CDC42SE2: variants seen among roughly 807,000 people sequenced by gnomAD.
The protein encoded by CDC42SE2 is CDC42 small effector protein 2.
CDC42SE2 carries 3 observed loss-of-function variants against 11.5 expected under a neutral mutation model. That is an observed-to-expected ratio of 0.26 (90% confidence interval 0.12 to 0.67). The LOEUF is 0.67. CDC42SE2 is among the 30% of genes least tolerant of loss of function. The pLI is 0.80. For missense variants in CDC42SE2, 82 were observed against 106.8 expected, an observed-to-expected ratio of 0.77 and a Z score of 1.02; for synonymous variants, 33 against 34.8, an observed-to-expected ratio of 0.95 and a Z score of 0.18.
intron 1 of CDC42SE2, among the ~76,000 whole-genome samples, chr5:131,272,766 C>T (rs373639784): frequency 6.2e-4 from 95 of 152,280 alleles, no homozygotes; most frequent in African/African-American, 2.2e-3. Flanking sequence ...TTGTCATCCG[C>T]GCTCCCTGTC....
At chr5:131,349,243 G>T (rs187338868) in intron 2 of CDC42SE2, among the ~76,000 whole-genome samples, 27 of 149,560 alleles carry the variant, frequency 1.8e-4, no homozygotes, top group Middle Eastern at 3.4e-3. Flanking sequence ...CTATCGCAAG[G>T]ACAGAAAACC....
chr5:131,314,535 C>T (rs185413351), intron 1 of CDC42SE2, among the ~76,000 whole-genome samples: 32 of 152,246 alleles, frequency 2.1e-4, no homozygotes, highest in Middle Eastern at 3.4e-3. Flanking sequence ...GCCACCGTGC[C>T]TGGCTTCTGA....
At chr5:131,326,481 T>C (rs570057881) in intron 2 of CDC42SE2, among the ~76,000 whole-genome samples, 1 of 152,328 alleles carries the variant, frequency 6.6e-6, no homozygotes, top group East Asian at 1.9e-4. Context: ...CCTATCTGTG[T>C]ATATGCTATG....
chr5:131,314,568 A>G (rs550561386), intron 1 of CDC42SE2, among the ~76,000 whole-genome samples: 28 of 152,266 alleles, frequency 1.8e-4, no homozygotes, highest in Non-Finnish European at 3.5e-4. Context: ...CAAGTGTTCT[A>G]TAGAAATAGA....
intron 2 of CDC42SE2, among the ~76,000 whole-genome samples, chr5:131,330,872 T>G (rs931349510): frequency 6.9e-6 from 1 of 144,614 alleles, no homozygotes; most frequent in African/African-American, 2.7e-5. Context: ...AAAAAAAAAA[T>G]TTAAGTAGCT....
chr5:131,383,189 C>T (rs756195249), intron 3 of CDC42SE2, among the ~76,000 whole-genome samples: 7 of 152,110 alleles, frequency 4.6e-5, no homozygotes, highest in Non-Finnish European at 8.8e-5. Context: ...TCAAGTCTGC[C>T]ATTAGGGGCA....
chr5:131,265,991 A>T (rs1756850146), intron 1 of CDC42SE2, among the ~76,000 whole-genome samples: 1 of 152,192 alleles, frequency 6.6e-6, no homozygotes, highest in Non-Finnish European at 1.5e-5. Flanking sequence ...ATAAAGCTTC[A>T]TTTCAGGAAT....
At chr5:131,372,954 A>G (rs763453276) in intron 3 of CDC42SE2, among the ~76,000 whole-genome samples, 5 of 152,120 alleles carry the variant, frequency 3.3e-5, no homozygotes, top group Admixed American at 3.3e-4. Context: ...ATAAATTGCA[A>G]TTTGCTCTCA....
chr5:131,254,351 G>A (rs972328285), intron 1 of CDC42SE2, among the ~76,000 whole-genome samples: 2 of 152,052 alleles, frequency 1.3e-5, no homozygotes, highest in Non-Finnish European at 2.9e-5. Flanking sequence ...AGACCAGCCT[G>A]GCCAACATGG....
chr5:131,375,408 A>G (rs1750124731), intron 3 of CDC42SE2, among the ~76,000 whole-genome samples: 1 of 152,220 alleles, frequency 6.6e-6, no homozygotes, highest in African/African-American at 2.4e-5. Flanking sequence ...TCACCTATTT[A>G]TTTATGAATA....
intron 2 of CDC42SE2, among the ~76,000 whole-genome samples, chr5:131,351,596 G>A (rs1168992548): frequency 1.3e-5 from 2 of 152,156 alleles, no homozygotes; most frequent in African/African-American, 4.8e-5. Flanking sequence ...AATCTGATAA[G>A]AAAAGGATAT....
At chr5:131,325,264 A>G (rs1352161725) in intron 2 of CDC42SE2, among the ~76,000 whole-genome samples, 1 of 152,062 alleles carries the variant, frequency 6.6e-6, no homozygotes, top group African/African-American at 2.4e-5. Context: ...AGCACTACCA[A>G]TCTACACAGC....
At position 131,280,855 on chromosome 5, in the gene CDC42SE2, T is replaced by C. The variant is rs189168757; in HGVS notation, c.-455+16689T>C. Among the ~76,000 whole-genome samples the C allele has an allele frequency of 7.9e-5, 12 of 152,310 alleles. No individual in the cohort carries two copies. The East Asian group carries it at 2.1e-3, about 27-fold the overall frequency. The stretch of plus-strand genomic sequence containing the variant: ...TGTAGTATGACAATTTTATTAGATA[T>C]TGCTACCCTTTTTATGTGTGAGAAT... On this transcript the variant is annotated intron_variant, in intron 1 of 4. Coordinates refer to ENST00000505065, the MANE Select transcript of CDC42SE2 (RefSeq NM_001375635.1).
At chr5:131,267,314 C>T (rs1363785329) in intron 1 of CDC42SE2, among the ~76,000 whole-genome samples, 1 of 152,006 alleles carries the variant, frequency 6.6e-6, no homozygotes, top group African/African-American at 2.4e-5. Context: ...TCCTTGGCCT[C>T]CCAAAGTGCT....
intron 2 of CDC42SE2, among the ~76,000 whole-genome samples, chr5:131,338,381 T>TA (rs1434414543): frequency 1.3e-5 from 2 of 152,214 alleles, no homozygotes; most frequent in Non-Finnish European, 2.9e-5. Context: ...TTTGTTTATA[T>TA]AGCCTCACTA....
chr5:131,345,491 G>A (rs1388611890), intron 2 of CDC42SE2, among the ~76,000 whole-genome samples: 1 of 152,102 alleles, frequency 6.6e-6, no homozygotes. Flanking sequence ...AAGAAATATG[G>A]GTCTATGTGA....
intron 1 of CDC42SE2, among the ~76,000 whole-genome samples, chr5:131,250,966 A>T (rs1307373838): frequency 6.6e-6 from 1 of 152,204 alleles, no homozygotes; most frequent in Non-Finnish European, 1.5e-5. Context: ...AATTGGAGGG[A>T]CGGACAGAGA....
intron 2 of CDC42SE2, among the ~76,000 whole-genome samples, chr5:131,358,857 A>G (rs1749627811): frequency 6.6e-6 from 1 of 152,252 alleles, no homozygotes; most frequent in African/African-American, 2.4e-5. Flanking sequence ...AGAAACCTAT[A>G]TGAAAATGGT....
At chr5:131,238,785 T>TTTTCATAAAATTGTCTGTTGTC in the CDC42SE2 span, among the ~76,000 whole-genome samples, 1 of 152,120 alleles carries the variant, frequency 6.6e-6, no homozygotes, top group Admixed American at 6.5e-5. Flanking sequence ...AAATTTTATG[T>TTTTCATAAAATTGTCTGTTGTC]TTTTCAAAAT....
Sources: allele counts gnomAD v4.1 joint callset (sites outside exome capture counted in the v4.1 genomes callset), GRCh38; gene constraint gnomAD v4.1.1; transcripts MANE v1.5; gene names NCBI Gene and HGNC (gene_info 2026-07-23, HGNC 2026-07-21).